Variants in CLVS1 observed in about 807,000 individuals in gnomAD.
CLVS1 encodes the protein clavesin 1.
A neutral mutation model predicts 33.1 loss-of-function variants in CLVS1; 10 were observed. That is an observed-to-expected ratio of 0.30 (90% CI 0.19 to 0.51). The LOEUF is 0.51. CLVS1 is among the 20% of genes least tolerant of loss of function. CLVS1 has a pLI of 0.97. For missense variants in CLVS1, 343 were observed against 433.4 expected (o/e 0.79, Z 1.85); for synonymous variants, 163 against 166.1 (o/e 0.98, Z 0.14).
At chr8:61,281,697 C>T (rs76593219) in intron 2 of CLVS1, among the ~76,000 whole-genome samples, 2,425 of 152,182 alleles carry the variant, frequency 0.016, 68 homozygotes, top group African/African-American at 0.056. Context: ...GTATTTCTGC[C>T]GCATTTGCAT....
chr8:61,213,022 A>C (rs1453003931), intron 2 of CLVS1, among the ~76,000 whole-genome samples: 1 of 151,974 alleles, frequency 6.6e-6, no homozygotes, highest in East Asian at 2.0e-4. Context: ...CTAGACCTAC[A>C]TTTTGGTCCC....
intron 1 of CLVS1, among the ~76,000 whole-genome samples, chr8:61,078,669 C>T (rs918074745): frequency 6.6e-6 from 1 of 152,132 alleles, no homozygotes; most frequent in African/African-American, 2.4e-5. Context: ...AATGTTCCTT[C>T]TCTTATTTTT....
At chr8:61,323,207 TG>T (rs1418392169) in intron 2 of CLVS1, among the ~76,000 whole-genome samples, 1 of 152,152 alleles carries the variant, frequency 6.6e-6, no homozygotes, top group Non-Finnish European at 1.5e-5. Context: ...ATAGGTGGGA[TG>T]GCCAGGCTTC....
At chr8:61,434,437 C>T (rs1402783384) in intron 3 of CLVS1, among the ~76,000 whole-genome samples, 1 of 152,192 alleles carries the variant, frequency 6.6e-6, no homozygotes, top group Non-Finnish European at 1.5e-5. Context: ...ATATGAGTGA[C>T]CATGGCCTGT....
intron 2 of CLVS1, among the ~76,000 whole-genome samples, chr8:61,276,990 G>A (rs1809571775): frequency 6.6e-6 from 1 of 152,132 alleles, no homozygotes. Context: ...AACACCTCTT[G>A]ATGTTTAGGA....
rs138297026 is a variant in CLVS1, at chr8:61,432,865, G to A, written c.631-21276G>A. On this transcript the variant is annotated intron_variant, in intron 3 of 5. Coordinates refer to ENST00000325897, the MANE Select transcript of CLVS1 (RefSeq NM_173519.3). ...AAACACAAGCCGCAGTAGGATCTGT[G>A]TCCTGTGCTTTTTCCAAAGAGAGTT... Among the ~76,000 whole-genome samples the A allele has an allele frequency of 2.0e-4, 30 of 152,298 alleles. No individual in the cohort carries two copies. In the East Asian group the frequency reaches 5.4e-3, roughly 27 times the overall value.
chr8:61,362,658 C>T (rs372365634), intron 2 of CLVS1, among the ~76,000 whole-genome samples: 18 of 152,108 alleles, frequency 1.2e-4, no homozygotes, highest in African/African-American at 4.3e-4. Context: ...TTTCAGAGGT[C>T]CCCCAATTGG....
the CLVS1 span, among the ~76,000 whole-genome samples, chr8:60,997,822 T>C: frequency 6.6e-6 from 1 of 152,212 alleles, no homozygotes. Context: ...CTAAGACTTT[T>C]TTCTTTTAAA....
At chr8:61,314,038 C>T (rs1810931039) in intron 2 of CLVS1, among the ~76,000 whole-genome samples, 1 of 152,176 alleles carries the variant, frequency 6.6e-6, no homozygotes. Context: ...TCTCTCAACT[C>T]ACAAATTTTA....
intron 3 of CLVS1, among the ~76,000 whole-genome samples, chr8:61,414,798 T>C (rs984959631): frequency 2.0e-5 from 3 of 152,234 alleles, no homozygotes; most frequent in African/African-American, 7.2e-5. Context: ...GTCAGGTAGC[T>C]TCCCCCAGGC....
intron 2 of CLVS1, among the ~76,000 whole-genome samples, chr8:61,206,051 G>A (rs143270281): frequency 1.3e-4 from 20 of 152,276 alleles, no homozygotes; most frequent in Middle Eastern, 3.4e-3. Flanking sequence ...TCTGTCAAGC[G>A]TATAAGTAGC....
intron 1 of CLVS1, among the ~76,000 whole-genome samples, chr8:61,093,388 C>G (rs1051196417): frequency 1.5e-4 from 23 of 152,168 alleles, no homozygotes; most frequent in African/African-American, 5.3e-4. Flanking sequence ...TCTTCCTGGA[C>G]TCAGGCCAAG....
chr8:61,339,805 G>A (rs1481308161), intron 2 of CLVS1, among the ~76,000 whole-genome samples: 4 of 147,048 alleles, frequency 2.7e-5, no homozygotes, highest in African/African-American at 1.0e-4. Flanking sequence ...AAAAAGAGAG[G>A]AAGGAAAGGA....
chr8:61,398,462 G>A (rs986082749), intron 3 of CLVS1, among the ~76,000 whole-genome samples: 4 of 152,210 alleles, frequency 2.6e-5, no homozygotes, highest in East Asian at 3.9e-4. Flanking sequence ...GATTGCAGAC[G>A]TGAGCCACCA....
intron 2 of CLVS1, among the ~76,000 whole-genome samples, chr8:61,174,575 A>T (rs1326464542): frequency 3.3e-5 from 5 of 152,202 alleles, no homozygotes; most frequent in Admixed American, 2.6e-4. Flanking sequence ...TAGCTAAGTA[A>T]ATTGTTCCCC....
intron 2 of CLVS1, among the ~76,000 whole-genome samples, chr8:61,177,591 T>C (rs1382465478): frequency 6.6e-6 from 1 of 152,110 alleles, no homozygotes; most frequent in Non-Finnish European, 1.5e-5. Flanking sequence ...TGGCATCAAG[T>C]TGGCGCCCCT....
At chr8:61,311,596 G>A (rs1190711112) in intron 2 of CLVS1, among the ~76,000 whole-genome samples, 4 of 152,172 alleles carry the variant, frequency 2.6e-5, no homozygotes, top group African/African-American at 4.8e-5. Context: ...CGAAAATGTC[G>A]TTACAAAGGC....
intron 2 of CLVS1, among the ~76,000 whole-genome samples, chr8:61,156,389 C>T (rs1249552605): frequency 1.3e-5 from 2 of 151,778 alleles, no homozygotes; most frequent in Non-Finnish European, 2.9e-5. Flanking sequence ...GGATATGGCT[C>T]GTGTGTCCAT....
chr8:61,229,734 G>A (rs111495087), intron 2 of CLVS1, among the ~76,000 whole-genome samples: 4 of 152,216 alleles, frequency 2.6e-5, no homozygotes, highest in African/African-American at 4.8e-5. Context: ...GGGTTGAAGC[G>A]ATTTTCCTGC....
Sources: allele counts gnomAD v4.1 joint callset (sites outside exome capture counted in the v4.1 genomes callset), GRCh38; gene constraint gnomAD v4.1.1; transcripts MANE v1.5; gene names NCBI Gene and HGNC (gene_info 2026-07-23, HGNC 2026-07-21).